The following WWOX variants were observed in gnomAD, a reference collection of about 807,000 sequenced individuals.
WWOX encodes the protein WW domain-containing oxidoreductase.
In WWOX, 69 loss-of-function variants were observed where a neutral mutation model predicts 46.2. The observed-to-expected ratio is 1.49, with a 90% CI of 1.23 to 1.82. WWOX has a LOEUF of 1.82. Ranked by LOEUF, WWOX falls within the 40% of genes most tolerant of loss-of-function variation. The probability of loss-of-function intolerance (pLI) is 0.00; values close to 1 mark genes in which losing one functional copy is unlikely to be tolerated. For missense variants in WWOX, 919 were observed against 542.6 expected (o/e 1.69, Z -6.89); for synonymous variants, 359 against 202.6 (o/e 1.77, Z -6.56).
chr16:78,604,018 C>T (rs2045685940), intron 8 of WWOX, among the ~76,000 whole-genome samples: 1 of 152,112 alleles, frequency 6.6e-6, no homozygotes, highest in African/African-American at 2.4e-5. Flanking sequence ...GTGGCACACA[C>T]CTATAGTCCC....
intron 8 of WWOX, among the ~76,000 whole-genome samples, chr16:79,211,368 A>G (rs1351814316): frequency 1.3e-5 from 2 of 152,164 alleles, no homozygotes; most frequent in South Asian, 2.1e-4. Flanking sequence ...CTGTCCCTGT[A>G]TGAGGTGTCA....
intron 8 of WWOX, among the ~76,000 whole-genome samples, chr16:79,129,243 C>G (rs2049825508): frequency 6.6e-6 from 1 of 151,388 alleles, no homozygotes; most frequent in Non-Finnish European, 1.5e-5. Context: ...TGGAAAACCT[C>G]CAACGCAAAA....
At chr16:78,802,378 G>T (rs368638494) in intron 8 of WWOX, among the ~76,000 whole-genome samples, 2 of 151,976 alleles carry the variant, frequency 1.3e-5, no homozygotes, top group South Asian at 2.1e-4. Flanking sequence ...GAATGGAATT[G>T]AACAGGTAGG....
At chr16:78,626,219 C>G (rs2046308407) in intron 8 of WWOX, among the ~76,000 whole-genome samples, 1 of 152,004 alleles carries the variant, frequency 6.6e-6, no homozygotes, top group South Asian at 2.1e-4. Context: ...CAACCTCCGC[C>G]TCGCAGGTTT....
chr16:78,725,192 A>G (rs752866695), intron 8 of WWOX, among the ~76,000 whole-genome samples: 11 of 150,530 alleles, frequency 7.3e-5, no homozygotes, highest in Non-Finnish European at 1.5e-4. Context: ...TCTCTTGCCT[A>G]CTGCCATGTA....
Position 78,510,324 on chromosome 16 carries a change from G to A in WWOX, c.1056+77572G>A, listed in dbSNP as rs868464231. On this transcript the variant is annotated intron_variant, in intron 8 of 8. Transcript: ENST00000566780. ...GAGTTCAACTGATTCTCCTGCCTCC[G>A]CTTCCCAAGTACCTGGGATTATAGA... Among the ~76,000 whole-genome samples the A allele has an allele frequency of 9.9e-5, 15 of 152,106 alleles. No homozygotes were observed. In the South Asian group the frequency reaches 2.1e-3, roughly 21 times the overall value.
At chr16:78,359,625 T>A (rs763325292) in intron 5 of WWOX, among the ~76,000 whole-genome samples, 1 of 152,186 alleles carries the variant, frequency 6.6e-6, no homozygotes, top group Non-Finnish European at 1.5e-5. Flanking sequence ...ACATTTAACA[T>A]ACTAAATATT....
At chr16:78,254,243 A>G (rs578244162) in intron 5 of WWOX, among the ~76,000 whole-genome samples, 28 of 151,372 alleles carry the variant, frequency 1.8e-4, no homozygotes, top group African/African-American at 6.3e-4. Context: ...TTTTGAAACT[A>G]TTTGTAGAGA....
chr16:79,133,693 A>T (rs1446287481), intron 8 of WWOX, among the ~76,000 whole-genome samples: 1 of 152,326 alleles, frequency 6.6e-6, no homozygotes, highest in South Asian at 2.1e-4. Flanking sequence ...TGTATATTGT[A>T]TCAGTAATTT....
rs570261641 is a variant in WWOX at position 79,212,402 on chromosome 16, C to G, written c.*606C>G. The G allele has an allele frequency of 3.3e-5, 14 of 430,054 alleles. 1 individual carries two copies. The highest frequency in any genetic ancestry group is 4.1e-5 in the Non-Finnish European group (10 of 242,912). 26.6% of individuals were successfully genotyped at this position (430,054 alleles called of 1,614,324 possible). A position where few individuals can be genotyped will look rare whatever the true frequency, so the allele number is the denominator to read the frequency against. On this transcript the variant is annotated 3_prime_UTR_variant, in exon 9 of 9. Transcript: ENST00000566780. ...AACTACCAGGTGGCAAAGTACTTGT[C>G]ATAGACTCCTTTGCTAATGCTATGC...
Position 78,915,698 on chromosome 16 carries a change from T to TAA in WWOX, c.1057-295901_1057-295900dup, listed in dbSNP as rs1555566769. Among the ~76,000 whole-genome samples the TAA allele has an allele frequency of 9.7e-4, 146 of 151,094 alleles. 1 individual carries two copies. Among genetic ancestry groups the TAA allele is most frequent in the African/African-American group, 2.9e-3 (118 of 41,178 alleles). On this transcript the variant is annotated intron_variant, in intron 8 of 8. Transcript: ENST00000566780. ...TTGTCTATTCCTCTCCAAAGCCATT[T>TAA]AAAAAAAAAATTGCACCAGTTCTCA...
In WWOX at chr16:78,423,894, C is replaced by T. The variant is rs182038078; in HGVS notation, c.606-976C>T. 2.4e-3 allele frequency among the ~76,000 whole-genome samples: 361 copies of T among 151,082 alleles called. 1 individual carries two copies. The highest frequency in any genetic ancestry group is 8.3e-3 in the African/African-American group (344 of 41,278). The stretch of plus-strand genomic sequence containing the variant: ...TACAAAATAAGGGAGAATACTATGA[C>T]AGGCTTCCACTTACCTATCTTTAGG... On this transcript the variant is annotated intron_variant, in intron 6 of 8. Coordinates refer to ENST00000566780, the MANE Select transcript of WWOX (RefSeq NM_016373.4).
At chr16:78,781,644 G>A (rs890957962) in intron 8 of WWOX, among the ~76,000 whole-genome samples, 10 of 152,098 alleles carry the variant, frequency 6.6e-5, no homozygotes, top group South Asian at 2.1e-4. Context: ...ATATTGGGCC[G>A]GGCTTGGTGG....
intron 5 of WWOX, among the ~76,000 whole-genome samples, chr16:78,325,002 C>G (rs1302388104): frequency 2.0e-5 from 3 of 152,128 alleles, no homozygotes; most frequent in Admixed American, 6.6e-5. Context: ...CACTCAGGGC[C>G]CGAGCTGCTC....
At chr16:78,660,302 A>G (rs560090198) in intron 8 of WWOX, among the ~76,000 whole-genome samples, 129 of 152,242 alleles carry the variant, frequency 8.5e-4, no homozygotes, top group African/African-American at 3.0e-3. Flanking sequence ...TCCGTACACT[A>G]AAGGTCCCTC....
At chr16:78,268,630 C>G (rs960438955) in intron 5 of WWOX, among the ~76,000 whole-genome samples, 7 of 152,172 alleles carry the variant, frequency 4.6e-5, no homozygotes, top group African/African-American at 1.7e-4. Flanking sequence ...GGTCTGGTTT[C>G]TTGGTTAAAT....
At chr16:78,629,657 C>G (rs1380022197) in intron 8 of WWOX, among the ~76,000 whole-genome samples, 3 of 152,230 alleles carry the variant, frequency 2.0e-5, no homozygotes, top group African/African-American at 4.8e-5. Flanking sequence ...GCCACAGGGC[C>G]TTTGCACAGG....
rs189910753 is a variant in WWOX at position 78,217,352 on chromosome 16, A to G, written c.516+53063A>G. On this transcript the variant is annotated intron_variant, in intron 5 of 8. Transcript: ENST00000566780. ...CTACTTTCCTGCTGGTGGAAACAGC[A>G]TGTATATAGGTACAACTCTGGTGTG... 1.7e-3 allele frequency among the ~76,000 whole-genome samples: 266 copies of G among 152,352 alleles called. 6 individuals carry two copies. The highest frequency in any genetic ancestry group is 0.014 in the Admixed American group (216 of 15,308).
intron 8 of WWOX, among the ~76,000 whole-genome samples, chr16:78,988,563 G>T (rs1440514876): frequency 6.6e-6 from 1 of 151,964 alleles, no homozygotes; most frequent in Non-Finnish European, 1.5e-5. Context: ...GGTCCCAGCG[G>T]AATAAACATC....
Sources: gnomAD v4.1 joint callset for allele counts (sites outside exome capture counted in the v4.1 genomes callset) on GRCh38, gnomAD v4.1.1 for gene constraint, MANE v1.5 for transcripts, NCBI Gene and HGNC (gene_info 2026-07-23, HGNC 2026-07-21) for gene names.